Variants in C9orf72 observed in about 807,000 individuals in gnomAD.
C9orf72 encodes C9orf72-SMCR8 complex subunit, also known as guanine nucleotide exchange factor C9orf72.
A neutral mutation model predicts 51.6 loss-of-function variants in C9orf72; 44 were observed. The observed-to-expected ratio is 0.85, with a 90% CI of 0.67 to 1.10. The LOEUF is 1.10. C9orf72 is among the 50% of genes least tolerant of loss of function. C9orf72 has a pLI of 0.00. For synonymous variants in C9orf72, 213 were observed against 194.2 expected (o/e 1.10, Z -0.81); for missense variants, 607 against 570.6 (o/e 1.06, Z -0.65).
At chr9:27,572,936 T>C (rs534313442) in intron 1 of C9orf72, among the ~76,000 whole-genome samples, 45 of 152,248 alleles carry the variant, frequency 3.0e-4, no homozygotes, top group Middle Eastern at 3.4e-3. Flanking sequence ...TGGGCTGAAA[T>C]TGTGCAGGCG....
intron 3 of C9orf72, among the ~76,000 whole-genome samples, chr9:27,563,351 G>A (rs1342018857): frequency 1.3e-5 from 2 of 152,156 alleles, no homozygotes; most frequent in Non-Finnish European, 2.9e-5. Context: ...AATGTAAAGT[G>A]TCTCAAATAT....
Position 27,560,373 on chromosome 9 carries a change from G to A in C9orf72, c.666-74C>T, listed in dbSNP as rs188605744. The A allele has an allele frequency of 8.0e-4, 883 of 1,106,676 alleles. 5 individuals are homozygous for A. The African/African-American group carries it at 0.012, about 15-fold the overall frequency. The allele number at this position is 1,106,676 out of a possible 1,614,324, so 68.6% of individuals were successfully genotyped here. On this transcript the variant is annotated intron_variant, in intron 5 of 10. Coordinates refer to ENST00000380003, the MANE Select transcript of C9orf72 (RefSeq NM_018325.5). ...AACAAACTAAAAACAAAAAAAAGTA[G>A]GTGAGCTCTTCAAATAACTCAGAAT...
Position 27,562,384 on chromosome 9 carries a change from T to A in C9orf72, c.597A>T (p.Ile199=), listed in dbSNP as rs1819371457. 4.5e-6 allele frequency: 7 copies of A among 1,553,552 alleles called. No homozygotes were observed. The highest frequency in any genetic ancestry group is 6.1e-6 in the Non-Finnish European group (7 of 1,138,324). The change falls in exon 4 of 11, where the codon ATA becomes ATT. Residue 199 remains isoleucine (I), a synonymous_variant. Transcript: ENST00000380003. ...AATTGCTCTCATTTAAACTTACATC[T>A]ATTTCTTCAGGAACACTGTGTGATT... ...SMKSHSVPEE[I]DIADTVLNDD... is the part of the protein sequence containing the mutation.
intron 5 of C9orf72, chr9:27,560,773 TA>T: frequency 1.0e-6 from 1 of 984,090 alleles, no homozygotes; most frequent in Non-Finnish European, 1.2e-6. Flanking sequence ...ACTGTGAACA[TA>T]AAAGTGAATA....
chr9:27,570,548 C>A (rs1257142912), intron 1 of C9orf72, among the ~76,000 whole-genome samples: 2 of 151,962 alleles, frequency 1.3e-5, no homozygotes, highest in South Asian at 2.1e-4. Flanking sequence ...CTGCTAGTTA[C>A]ACTCTCACTC....
chr9:27,565,576 A>T lies in C9orf72; in HGVS notation c.459T>A (p.Asn153Lys), dbSNP rs1206413759. The T allele has an allele frequency of 4.4e-6, 7 of 1,604,326 alleles. No homozygotes were observed. In the African/African-American group the frequency reaches 9.4e-5, roughly 21 times the overall value. The change falls in exon 3 of 11, where the codon AAT becomes AAA. Residue 153 changes from asparagine (N) to lysine (K), a missense_variant. Coordinates refer to ENST00000380003, the MANE Select transcript of C9orf72 (RefSeq NM_018325.5). ...TGCCTTCTAAGATAATCTTCTGGAC[A>T]TTTTCTTGTCTTTCCTGAGCAAGAG... ...RIWMHKERQE[N>K]VQKIILEGTE...
At chr9:27,561,515 A>G (rs1330567323) in intron 5 of C9orf72, 70 bp downstream of exon 5, 2 of 1,588,156 alleles carry the variant, frequency 1.3e-6, no homozygotes, top group Non-Finnish European at 1.7e-6. Context: ...TCTTTCTTCC[A>G]AATCTTGTCA....
chr9:27,549,659 G>A (rs1030577854), intron 9 of C9orf72, among the ~76,000 whole-genome samples: 1 of 151,456 alleles, frequency 6.6e-6, no homozygotes, highest in Non-Finnish European at 1.5e-5. Context: ...CTTCAACTGT[G>A]TAATTAAGTA....
At chr9:27,571,443 C>T (rs1819584260) in intron 1 of C9orf72, among the ~76,000 whole-genome samples, 1 of 152,082 alleles carries the variant, frequency 6.6e-6, no homozygotes, top group Admixed American at 6.6e-5. Flanking sequence ...GAAAATTCTA[C>T]AATCATAAAG....
In C9orf72 at chr9:27,548,107, T is replaced by C; in HGVS notation, c.*129A>G. The C allele has an allele frequency of 3.3e-6, 2 of 603,850 alleles. No homozygotes were observed. Among genetic ancestry groups the C allele is most frequent in the Non-Finnish European group, 5.6e-6 (2 of 358,442 alleles). The allele number at this position is 603,850 out of a possible 1,614,324, so 37.4% of individuals were successfully genotyped here. ...ACAGGCTCTTGTGAGAACTGTAGTG[T>C]AACTTACTTAACTGCAATTGCTGAG... On this transcript the variant is annotated 3_prime_UTR_variant, in exon 11 of 11. Coordinates refer to ENST00000380003, the MANE Select transcript of C9orf72 (RefSeq NM_018325.5).
At chr9:27,564,486 G>A (rs895889013) in intron 3 of C9orf72, among the ~76,000 whole-genome samples, 1 of 152,088 alleles carries the variant, frequency 6.6e-6, no homozygotes, top group African/African-American at 2.4e-5. Flanking sequence ...CCATTCCTGG[G>A]GACCCTGCTT....
At chr9:27,560,088 C>T in intron 6 of C9orf72, 139 bp downstream of exon 6, 1 of 461,584 alleles carries the variant, frequency 2.2e-6, no homozygotes, top group Non-Finnish European at 3.9e-6. Flanking sequence ...CACAAGGTGT[C>T]TTAGCAATTT....
chr9:27,558,003 C>T (rs1819244536), intron 7 of C9orf72, among the ~76,000 whole-genome samples: 1 of 150,830 alleles, frequency 6.6e-6, no homozygotes, highest in South Asian at 2.1e-4. Flanking sequence ...TTACATTTCT[C>T]TGTTTTGCTC....
intron 1 of C9orf72, among the ~76,000 whole-genome samples, chr9:27,568,859 G>A (rs570667932): frequency 1.3e-4 from 20 of 149,098 alleles, no homozygotes; most frequent in African/African-American, 4.9e-4. Flanking sequence ...TAAGTTAAAT[G>A]TAAAACAGCC....
intron 6 of C9orf72, 105 bp from the exon 7 acceptor site, chr9:27,558,712 C>A (rs1819269825): frequency 1.6e-6 from 1 of 615,122 alleles, no homozygotes; most frequent in East Asian, 2.9e-5. Flanking sequence ...TAAAACATAT[C>A]CTAAGAAATA....
chr9:27,570,860 C>CTCTG (rs1819571778), intron 1 of C9orf72, among the ~76,000 whole-genome samples: 1 of 151,338 alleles, frequency 6.6e-6, no homozygotes, highest in South Asian at 2.1e-4. Context: ...CAGAGAGAGA[C>CTCTG]TCTGCCTCAA....
Position 27,562,475 on chromosome 9 carries a change from C to A in C9orf72, c.506G>T (p.Gly169Val). The stretch of plus-strand genomic sequence containing the variant: ...AGTAAGCATTGGAATAATACTCTGA[C>A]CCTGCACAATAAAGTGACATGAAGT... ...LEGTERMEDQ[G>V]QSIIPMLTGE... The change falls in exon 4 of 11, where the codon GGT becomes GTT. Residue 169 changes from glycine (G) to valine (V), a missense_variant and splice_region_variant. Physicochemically the swap from Gly to Val is moderately radical, Grantham distance 109 (BLOSUM62 -3). Transcript: ENST00000380003. 1 of 1,526,832 alleles carries A rather than the reference C, an allele frequency of 6.5e-7. No individual in the cohort carries two copies. The highest frequency in any genetic ancestry group is 8.9e-7 in the Non-Finnish European group (1 of 1,126,836). 94.6% of individuals were successfully genotyped at this position (1,526,832 alleles called of 1,614,324 possible). A position where few individuals can be genotyped will look rare whatever the true frequency, so the allele number is the denominator to read the frequency against.
intron 6 of C9orf72, 59 bp downstream of exon 6, chr9:27,560,168 C>A: frequency 9.0e-7 from 1 of 1,112,976 alleles, no homozygotes; most frequent in Non-Finnish European, 1.3e-6. Context: ...AATGACAATC[C>A]ATGATATATC....
Position 27,551,567 on chromosome 9 carries a change from G to A in C9orf72, c.1092-860C>T, listed in dbSNP as rs567738452. On this transcript the variant is annotated intron_variant, in intron 8 of 10. Coordinates refer to ENST00000380003, the MANE Select transcript of C9orf72 (RefSeq NM_018325.5). Reference sequence around the variant, plus strand: ...TGGCAAAAAAAGAGAATGGGTATGTGTAGAAGCAAACAGGAAGGTAGTTCA... The same window carrying A: ...TGGCAAAAAAAGAGAATGGGTATGTATAGAAGCAAACAGGAAGGTAGTTCA... Among the ~76,000 whole-genome samples the A allele has an allele frequency of 4.6e-5, 7 of 152,342 alleles. No individual in the cohort carries two copies. The South Asian group carries it at 1.4e-3, about 32-fold the overall frequency.
Sources: allele counts gnomAD v4.1 joint callset (sites outside exome capture counted in the v4.1 genomes callset), GRCh38; gene constraint gnomAD v4.1.1; transcripts MANE v1.5; gene names NCBI Gene and HGNC (gene_info 2026-07-23, HGNC 2026-07-21).